The following TRIM26 variants were observed in gnomAD, a reference collection of about 807,000 sequenced individuals.
The protein encoded by TRIM26 is tripartite motif containing 26.
TRIM26 carries 16 observed loss-of-function variants against 45.5 expected under a neutral mutation model. The observed-to-expected ratio is 0.35, with a 90% CI of 0.24 to 0.53. TRIM26 has a LOEUF of 0.53. Among genes scored for constraint, TRIM26 ranks in the 20% least tolerant of loss-of-function variants. TRIM26 has a pLI of 0.92. For synonymous variants in TRIM26, 273 were observed against 290.4 expected (o/e 0.94, Z 0.61); for missense variants, 442 against 691.1 (o/e 0.64, Z 4.04).
At chr6:30,200,233 G>C (rs1332375112) in intron 3 of TRIM26, among the ~76,000 whole-genome samples, 1 of 152,178 alleles carries the variant, frequency 6.6e-6, no homozygotes, top group Non-Finnish European at 1.5e-5. Flanking sequence ...AGTGAGCCAT[G>C]ATTGTACTAC....
In TRIM26 at chr6:30,185,550, G is replaced by A. The variant is rs756380293; in HGVS notation, c.*326C>T. 2.7e-6 allele frequency: 1 copy of A among 370,204 alleles called. No individual in the cohort carries two copies. Among genetic ancestry groups the A allele is most frequent in the Non-Finnish European group, 4.8e-6 (1 of 207,466 alleles). 22.9% of individuals were successfully genotyped at this position (370,204 alleles called of 1,614,324 possible). A position where few individuals can be genotyped will look rare whatever the true frequency, so the allele number is the denominator to read the frequency against. On this transcript the variant is annotated 3_prime_UTR_variant, in exon 10 of 10. Transcript: ENST00000454678. The surrounding 1 kb of genome is among the most constrained non-coding windows in gnomAD (Gnocchi z 5.7). ...GTCTTGCCACACTGGGCAAGAAAAT[G>A]CTGCATCGGGCCCTTATTCCAGAGA...
At position 30,189,357 on chromosome 6, in the gene TRIM26, G is replaced by A. The variant is rs377422820; in HGVS notation, c.904+61C>T. 3.8e-6 allele frequency: 6 copies of A among 1,576,684 alleles called. No homozygotes were observed. Among genetic ancestry groups the A allele is most frequent in the East Asian group, 2.2e-5 (1 of 44,714 alleles). Reference sequence around the variant, plus strand: ...AAGGTGATGGAAAGGAGCTGGGTGCGCTCTTTCTACGAGGTAGCCCTGCTC... The same window carrying A: ...AAGGTGATGGAAAGGAGCTGGGTGCACTCTTTCTACGAGGTAGCCCTGCTC... On this transcript the variant is annotated intron_variant, in intron 8 of 9. Coordinates refer to ENST00000454678, the MANE Select transcript of TRIM26 (RefSeq NM_003449.5). This position sits in a 1 kb window ranked among gnomAD's most constrained non-coding sequence, Gnocchi z 5.0.
Position 30,196,843 on chromosome 6 carries a change from C to T in TRIM26, c.535-97G>A. ...CAAGGCTGGCTCGTTCACCTCGCTA[C>T]CCCCGTTCAGGAATTCTACAGGATC... On this transcript the variant is annotated intron_variant, in intron 5 of 9. Coordinates refer to ENST00000454678, the MANE Select transcript of TRIM26 (RefSeq NM_003449.5). This position sits in a 1 kb window ranked among gnomAD's most constrained non-coding sequence, Gnocchi z 4.9. 1 of 1,196,568 alleles carries T rather than the reference C, an allele frequency of 8.4e-7. No individual in the cohort carries two copies. The highest frequency in any genetic ancestry group is 1.2e-6 in the Non-Finnish European group (1 of 838,718). 74.1% of individuals were successfully genotyped at this position (1,196,568 alleles called of 1,614,324 possible). A position where few individuals can be genotyped will look rare whatever the true frequency, so the allele number is the denominator to read the frequency against.
intron 6 of TRIM26, among the ~76,000 whole-genome samples, chr6:30,191,733 C>A (rs183326432): frequency 2.0e-5 from 3 of 152,328 alleles, no homozygotes; most frequent in Non-Finnish European, 4.4e-5. Context: ...CCCAACCCCC[C>A]GCTATGAAGC....
At chr6:30,212,958 CTT>C (rs1416165095) in intron 1 of TRIM26, among the ~76,000 whole-genome samples, 1 of 150,786 alleles carries the variant, frequency 6.6e-6, no homozygotes, top group Non-Finnish European at 1.5e-5. Context: ...AAGCATGACA[CTT>C]TGGTCAGGGA....
In TRIM26 at chr6:30,186,430, C is replaced by T; in HGVS notation, c.1066G>A (p.Gly356Arg). Residue 356 changes from glycine (G) to arginine (R), a missense_variant, in exon 10 of 10, where the codon GGG becomes AGG. Gly to Arg is a moderately radical substitution (Grantham distance 125). Transcript: ENST00000454678. The surrounding 1 kb of genome is among the most constrained non-coding windows in gnomAD (Gnocchi z 7.4). The stretch of plus-strand genomic sequence containing the variant: ...GTGAAGCCCTTGCTGCCTAGCACCC[C>T]AGGCTCACAGTCAAACTGCTGGGGG... ...LHPQQFDCEP[G>R]VLGSKGFTWG... The T allele has an allele frequency of 6.2e-7, 1 of 1,606,804 alleles. No individual in the cohort carries two copies. Among genetic ancestry groups the T allele is most frequent in the Non-Finnish European group, 8.5e-7 (1 of 1,176,338 alleles).
At position 30,190,264 on chromosome 6, in the gene TRIM26, C is replaced by G; in HGVS notation, c.766-229G>C. The stretch of plus-strand genomic sequence containing the variant: ...ATGGCTGGGAGATGACATGGGCAAC[C>G]TCTCTGGGAGATACCTGCGCAGAGA... On this transcript the variant is annotated intron_variant, in intron 6 of 9. Coordinates refer to ENST00000454678, the MANE Select transcript of TRIM26 (RefSeq NM_003449.5). This position sits in a 1 kb window ranked among gnomAD's most constrained non-coding sequence, Gnocchi z 4.3. The G allele has an allele frequency of 1.6e-6, 1 of 607,206 alleles. No individual in the cohort carries two copies. 37.6% of individuals were successfully genotyped at this position (607,206 alleles called of 1,614,324 possible).
At chr6:30,193,971 G>A (rs1164208492) in intron 6 of TRIM26, among the ~76,000 whole-genome samples, 1 of 152,028 alleles carries the variant, frequency 6.6e-6, no homozygotes, top group East Asian at 1.9e-4. Flanking sequence ...AGGGTTTTTT[G>A]GTGGGGCCTT....
chr6:30,185,813 G>A lies in TRIM26; in HGVS notation c.*63C>T. 1.9e-6 allele frequency: 3 copies of A among 1,540,162 alleles called. No homozygotes were observed. The highest frequency in any genetic ancestry group is 1.8e-6 in the Non-Finnish European group (2 of 1,139,590). ...GCCAGGCATCCCGTCCCCCCATTGAGAGTCCTGGAATTCCAAAGAAGTGAA... is the reference window on the plus strand; with the variant it reads ...GCCAGGCATCCCGTCCCCCCATTGAAAGTCCTGGAATTCCAAAGAAGTGAA... On this transcript the variant is annotated 3_prime_UTR_variant, in exon 10 of 10. Transcript: ENST00000454678. This position sits in a 1 kb window ranked among gnomAD's most constrained non-coding sequence, Gnocchi z 5.7.
Position 30,185,597 on chromosome 6 carries a change from C to T in TRIM26, c.*279G>A, listed in dbSNP as rs1775072570. The T allele has an allele frequency of 4.0e-6, 2 of 505,292 alleles. No homozygotes were observed. The highest frequency in any genetic ancestry group is 3.2e-5 in the East Asian group (1 of 31,196). 31.3% of individuals were successfully genotyped at this position (505,292 alleles called of 1,614,324 possible). On this transcript the variant is annotated 3_prime_UTR_variant, in exon 10 of 10. Coordinates refer to ENST00000454678, the MANE Select transcript of TRIM26 (RefSeq NM_003449.5). The surrounding 1 kb of genome is among the most constrained non-coding windows in gnomAD (Gnocchi z 5.7). ...GAGAGTGCAGAGCTGGGGCCAAGGT[C>T]GTGGTCAAAAAGGAAAGGAGCCCTC... is the stretch of plus-strand genomic sequence containing the variant.
At chr6:30,201,284 G>A (rs1180558717) in intron 2 of TRIM26, 146 bp from the exon 3 acceptor site, 1 of 152,044 alleles carries the variant, frequency 6.6e-6, no homozygotes, top group African/African-American at 2.4e-5. Context: ...AACAAAACAG[G>A]GATATAACGT....
chr6:30,188,672 C>A, intron 9 of TRIM26: 1 of 204,386 alleles, frequency 4.9e-6, no homozygotes, highest in East Asian at 1.1e-4. Context: ...AGGAGGAGAC[C>A]ACCAGTCTTC....
Position 30,198,635 on chromosome 6 carries a change from C to T in TRIM26, c.438+31G>A. On this transcript the variant is annotated intron_variant, in intron 4 of 9. Coordinates refer to ENST00000454678, the MANE Select transcript of TRIM26 (RefSeq NM_003449.5). This position sits in a 1 kb window ranked among gnomAD's most constrained non-coding sequence, Gnocchi z 6.3. Reference sequence around the variant, plus strand: ...AAGGTGGAGCATCCAGAGAAGGTGGCAAGGCACCCTCGGGGGTGAAGAGGG... The same window carrying T: ...AAGGTGGAGCATCCAGAGAAGGTGGTAAGGCACCCTCGGGGGTGAAGAGGG... The T allele has an allele frequency of 6.2e-7, 1 of 1,604,458 alleles. No homozygotes were observed. Among genetic ancestry groups the T allele is most frequent in the Non-Finnish European group, 8.5e-7 (1 of 1,176,046 alleles).
chr6:30,200,206 T>C (rs1225777515), intron 3 of TRIM26, among the ~76,000 whole-genome samples: 1 of 152,132 alleles, frequency 6.6e-6, no homozygotes, highest in Non-Finnish European at 1.5e-5. Flanking sequence ...TACTTGAATC[T>C]GGGAGGTGGA....
At chr6:30,203,046 CTTT>C (rs9278610) in intron 2 of TRIM26, among the ~76,000 whole-genome samples, 2,275 of 132,842 alleles carry the variant, frequency 0.017, 81 homozygotes, top group South Asian at 0.16. Flanking sequence ...TCCTCTCTTT[CTTT>C]TTTTTTTTTT....
chr6:30,207,974 T>C lies in TRIM26; in HGVS notation c.-375-3209A>G, dbSNP rs1777887359. 6.6e-6 allele frequency among the ~76,000 whole-genome samples: 1 copy of C among 152,228 alleles called. No homozygotes were observed. Among genetic ancestry groups the C allele is most frequent in the Non-Finnish European group, 1.5e-5 (1 of 68,028 alleles). On this transcript the variant is annotated intron_variant, in intron 1 of 9. Coordinates refer to ENST00000454678, the MANE Select transcript of TRIM26 (RefSeq NM_003449.5). The surrounding 1 kb of genome is among the most constrained non-coding windows in gnomAD (Gnocchi z 4.9). ...AAACACCCCATGCTGCACCCTGTACTTCTCTGCAGTTTTAAGTCCTGACTT... is the reference window on the plus strand; with the variant it reads ...AAACACCCCATGCTGCACCCTGTACCTCTCTGCAGTTTTAAGTCCTGACTT...
At chr6:30,202,989 G>A (rs1370430134) in intron 2 of TRIM26, among the ~76,000 whole-genome samples, 1 of 151,776 alleles carries the variant, frequency 6.6e-6, no homozygotes, top group African/African-American at 2.4e-5. Context: ...AACTATTGTG[G>A]GAAATTTGTA....
chr6:30,205,064 AAACCCCATCTCTACTAAC>A (rs1777587983), intron 1 of TRIM26, among the ~76,000 whole-genome samples: 1 of 152,068 alleles, frequency 6.6e-6, no homozygotes, highest in Admixed American at 6.6e-5. Context: ...CAACAAGGAG[AAACCCCATCTCTACTAAC>A]AATACAAAAT....
intron 1 of TRIM26, among the ~76,000 whole-genome samples, chr6:30,213,059 T>C (rs1350099799): frequency 6.6e-6 from 1 of 151,968 alleles, no homozygotes; most frequent in African/African-American, 2.4e-5. Flanking sequence ...CTAGAATGGA[T>C]GGGAGTCTGA....
Sources: allele counts gnomAD v4.1 joint callset (sites outside exome capture counted in the v4.1 genomes callset), GRCh38; gene constraint gnomAD v4.1.1; non-coding constraint Gnocchi (gnomAD v3.1); transcripts MANE v1.5; gene names NCBI Gene and HGNC (gene_info 2026-07-23, HGNC 2026-07-21).